KDM5C: variants seen among roughly 807,000 people sequenced by gnomAD.
The protein encoded by KDM5C is lysine-specific demethylase 5C.
Under a neutral mutation model 110.6 loss-of-function variants are expected in KDM5C, and 16 were observed. The observed-to-expected ratio is 0.14, with a 90% confidence interval of 0.10 to 0.22. KDM5C has a LOEUF of 0.22. KDM5C is among the 10% of genes least tolerant of loss of function. The pLI, the probability that KDM5C is intolerant of heterozygous loss-of-function variation, is 1.00. For synonymous variants in KDM5C, 511 were observed against 520.4 expected (o/e 0.98, Z 0.24); for missense variants, 681 against 1,300.9 (o/e 0.52, Z 7.33).
intron 12 of KDM5C, among the ~76,000 whole-genome samples, chrX:53,207,004 A>C (rs2073356327): frequency 9.4e-6 from 1 of 106,414 alleles, no homozygotes; most frequent in African/African-American, 3.4e-5. Context: ...GTGAAACCCC[A>C]TCTCTACTAA....
Position 53,192,905 on chromosome X carries a change from G to A in KDM5C, c.*62C>T, listed in dbSNP as rs1288088245. On this transcript the variant is annotated 3_prime_UTR_variant, in exon 26 of 26. Coordinates refer to ENST00000375401, the MANE Select transcript of KDM5C (RefSeq NM_004187.5). ...CCCCAAGAAGCAGGCTTGATGGTCA[G>A]AAAGAGGATCCTTGAGGCCGAGGGG... 51 of 1,045,505 alleles carry A rather than the reference G, an allele frequency of 4.9e-5. No homozygotes were observed. Among genetic ancestry groups the A allele is most frequent in the Non-Finnish European group, 2.0e-5 (16 of 798,495 alleles). 86.2% of individuals were successfully genotyped at this position (1,045,505 alleles called of 1,213,427 possible).
intron 20 of KDM5C, 52 bp from the exon 21 acceptor site, chrX:53,195,462 G>A (rs781833188): frequency 1.1e-5 from 12 of 1,076,509 alleles, no homozygotes; most frequent in Admixed American, 4.8e-5. Context: ...TGCTATTGAT[G>A]CTTACTCTGT....
Position 53,225,001 on chromosome X carries a change from G to C in KDM5C, c.-112C>G. ...ATGCTCGGAGGCTAGGCCCTAAGCGGGGCAGCCGCCGCCCGCCGAGGGCCT... is the reference window on the plus strand; with the variant it reads ...ATGCTCGGAGGCTAGGCCCTAAGCGCGGCAGCCGCCGCCCGCCGAGGGCCT... On this transcript the variant is annotated 5_prime_UTR_variant, in exon 1 of 26. Coordinates refer to ENST00000375401, the MANE Select transcript of KDM5C (RefSeq NM_004187.5). 7 of 974,965 alleles carry C rather than the reference G, an allele frequency of 7.2e-6. No homozygotes were observed. The highest frequency in any genetic ancestry group is 2.5e-5 in the South Asian group (1 of 40,287). The allele number at this position is 974,965 out of a possible 1,213,427, so 80.3% of individuals were successfully genotyped here. A position where few individuals can be genotyped will look rare whatever the true frequency, so the allele number is the denominator to read the frequency against.
chrX:53,221,875 G>T, intron 1 of KDM5C: 1 of 443,463 alleles, frequency 2.3e-6, no homozygotes, highest in Non-Finnish European at 3.6e-6. Context: ...GCTCTGCCAA[G>T]TTGGAGCTTG....
At chrX:53,178,207 A>T (rs1430913866) in intron 25 of KDM5C, among the ~76,000 whole-genome samples, 2 of 112,241 alleles carry the variant, frequency 1.8e-5, no homozygotes, top group African/African-American at 6.5e-5. Flanking sequence ...AATGCCTGAA[A>T]TGTGTTCAAT....
In KDM5C at chrX:53,194,119, A is replaced by G; in HGVS notation, c.4038+20T>C. ...TAGGAGACAAGAATCTGAGGACAAG[A>G]GCTGGGCTGAGTAGCTCACCTTAGG... On this transcript the variant is annotated intron_variant, in intron 23 of 25. Coordinates refer to ENST00000375401, the MANE Select transcript of KDM5C (RefSeq NM_004187.5). 8.4e-7 allele frequency: 1 copy of G among 1,187,179 alleles called. No individual in the cohort carries two copies. Among genetic ancestry groups the G allele is most frequent in the Non-Finnish European group, 1.1e-6 (1 of 882,730 alleles).
intron 2 of KDM5C, among the ~76,000 whole-genome samples, chrX:53,218,990 A>G (rs1411032070): frequency 2.7e-5 from 3 of 112,286 alleles, no homozygotes; most frequent in Non-Finnish European, 5.6e-5. Flanking sequence ...CTCCCTGACA[A>G]GGTCATGTGA....
rs41308052 is a variant in KDM5C, at chrX:53,217,777, C to T, written c.522+19G>A. ...GCTGAAGGGTAAAGCCGCACCCTGC[C>T]CCACTGTGACATCCTTACCACAAGG... On this transcript the variant is annotated intron_variant, in intron 4 of 25. Transcript: ENST00000375401. 0.045 allele frequency: 54,720 copies of T among 1,206,764 alleles called. 1,021 individuals carry two copies. The highest frequency in any genetic ancestry group is 0.056 in the Non-Finnish European group (49,587 of 892,439).
At chrX:53,195,488 G>A (rs1220591969) in intron 20 of KDM5C, 78 bp from the exon 21 acceptor site, 2 of 964,692 alleles carry the variant, frequency 2.1e-6, no homozygotes, top group Admixed American at 5.1e-5. Context: ...GCCCTGAGCT[G>A]GAAAGATGAA....
chrX:53,181,890 A>G (rs1247100138), intron 25 of KDM5C, among the ~76,000 whole-genome samples: 6 of 107,829 alleles, frequency 5.6e-5, no homozygotes, highest in Non-Finnish European at 7.7e-5. Flanking sequence ...CTGGGTTCAC[A>G]CCATTCTCCT....
chrX:53,180,491 A>G (rs1934004767), intron 25 of KDM5C, among the ~76,000 whole-genome samples: 1 of 110,680 alleles, frequency 9.0e-6, no homozygotes, highest in Middle Eastern at 4.6e-3. Context: ...GGATGTTGAT[A>G]GTGGGGGAAG....
At chrX:53,193,668 G>A in intron 24 of KDM5C, 32 bp from the exon 25 acceptor site, 1 of 1,195,526 alleles carries the variant, frequency 8.4e-7, no homozygotes, top group Non-Finnish European at 1.1e-6. Context: ...CGGCATTAGA[G>A]GCTGCCCTTG....
At chrX:53,187,127 C>T (rs1934242316), downstream of KDM5C, among the ~76,000 whole-genome samples, 1 of 111,558 alleles carries the variant, frequency 9.0e-6, no homozygotes, top group African/African-American at 3.3e-5. Flanking sequence ...GGAGGTTATG[C>T]ATGGACTCCA....
intron 12 of KDM5C, among the ~76,000 whole-genome samples, chrX:53,207,088 A>G (rs2073359895): frequency 9.9e-6 from 1 of 100,542 alleles, no homozygotes; most frequent in Non-Finnish European, 2.0e-5. Context: ...GAGACAGGAG[A>G]ATCGCTTGAA....
intron 10 of KDM5C, among the ~76,000 whole-genome samples, chrX:53,211,135 C>T (rs1174979505): frequency 1.8e-5 from 2 of 111,993 alleles, no homozygotes; most frequent in African/African-American, 6.5e-5. Flanking sequence ...AAAATGTACC[C>T]TTTCTTGGAA....
chrX:53,180,719 CTTTTTTTTTTTTTTTTTT>C (rs1173641591), intron 25 of KDM5C, among the ~76,000 whole-genome samples: 7 of 30,277 alleles, frequency 2.3e-4, no homozygotes, highest in Non-Finnish European at 3.2e-4. Context: ...CCACACCCGG[CTTTTTTTTTTTTTTTTTT>C]TTTTTTTTTG....
chrX:53,177,381 T>TA (rs1289546081), intron 25 of KDM5C, among the ~76,000 whole-genome samples: 12 of 112,004 alleles, frequency 1.1e-4, no homozygotes, highest in Admixed American at 3.8e-4. Flanking sequence ...CCCTGCATTT[T>TA]AAAAAAATGT....
chrX:53,210,449 T>C lies in KDM5C; in HGVS notation c.1711A>G (p.Met571Val). Residue 571 changes from methionine to valine, a missense_variant, in exon 12 of 26, where the codon ATG becomes GTG. Physicochemically the swap from Met to Val is conservative, Grantham distance 21. Around this residue, in one of 14 missense-constraint regions of KDM5C, gnomAD observed 41 missense variants for 205.9 expected, o/e 0.20. Transcript: ENST00000375401. ...TGGGACATGAGGGTGTTGGGATTCA[T>C]GAGGGTGACAAGTTGGTGCAGGAGG... ...PDLLHQLVTL[M>V]NPNTLMSHGV... The C allele has an allele frequency of 8.3e-7, 1 of 1,211,880 alleles. No individual in the cohort carries two copies. The highest frequency in any genetic ancestry group is 1.1e-6 in the Non-Finnish European group (1 of 895,341).
intron 12 of KDM5C, among the ~76,000 whole-genome samples, chrX:53,206,863 CAAAAAAAAAAAAAAAAAA>C (rs58880985): frequency 4.5e-5 from 1 of 22,329 alleles, no homozygotes; most frequent in East Asian, 1.9e-3. Flanking sequence ...GATTCCTTCT[CAAAAAAAAAAAAAAAAAA>C]AAAAAAAAAA....
Sources: gnomAD v4.1 joint callset for allele counts (sites outside exome capture counted in the v4.1 genomes callset) on GRCh38, gnomAD v4.1.1 for gene constraint, gnomAD v4.1.1 regional missense constraint, MANE v1.5 for transcripts, NCBI Gene and HGNC (gene_info 2026-07-23, HGNC 2026-07-21) for gene names.